CFAP299: variants seen among roughly 807,000 people sequenced by gnomAD.
The protein encoded by CFAP299 is cilia- and flagella-associated protein 299.
A neutral mutation model predicts 27.0 loss-of-function variants in CFAP299; 21 were observed. The ratio of observed to expected loss-of-function variants is 0.78; its 90% confidence interval spans 0.55 to 1.12. CFAP299 has a LOEUF of 1.12. CFAP299 is among the 50% of genes most tolerant of loss of function. CFAP299 has a pLI of 0.00. For missense variants in CFAP299, 310 were observed against 276.6 expected (o/e 1.12, Z -0.86); for synonymous variants, 104 against 98.1 (o/e 1.06, Z -0.36).
intron 2 of CFAP299, among the ~76,000 whole-genome samples, chr4:80,518,265 C>T (rs1051646218): frequency 1.3e-5 from 2 of 152,004 alleles, no homozygotes; most frequent in Admixed American, 6.6e-5. Flanking sequence ...TCAAGAGACT[C>T]GTAGATAAAC....
intron 1 of CFAP299, among the ~76,000 whole-genome samples, chr4:80,356,911 G>T (rs182511792): frequency 2.6e-5 from 4 of 152,184 alleles, no homozygotes; most frequent in East Asian, 3.9e-4. Context: ...CTTGTCTTGT[G>T]CCAGTTTTCA....
intron 1 of CFAP299, among the ~76,000 whole-genome samples, chr4:80,346,895 C>G (rs1280405521): frequency 6.6e-6 from 1 of 152,198 alleles, no homozygotes; most frequent in Non-Finnish European, 1.5e-5. Flanking sequence ...TTGATTCTTC[C>G]TATCCGTGAT....
intron 5 of CFAP299, among the ~76,000 whole-genome samples, chr4:80,950,756 C>T (rs2110236315): frequency 6.6e-6 from 1 of 152,234 alleles, no homozygotes; most frequent in South Asian, 2.1e-4. Flanking sequence ...CCCAAGAAGG[C>T]TGGATAACTG....
chr4:80,787,266 A>G (rs1485378884), intron 3 of CFAP299, among the ~76,000 whole-genome samples: 2 of 149,722 alleles, frequency 1.3e-5, no homozygotes, highest in African/African-American at 4.9e-5. Flanking sequence ...TGCAATATCC[A>G]CATATATCCC....
intron 4 of CFAP299, among the ~76,000 whole-genome samples, chr4:80,900,123 A>AGTGTGTGT (rs3038537): frequency 0.16 from 22,312 of 139,636 alleles, 1,988 homozygotes; most frequent in Non-Finnish European, 0.19. Flanking sequence ...AGTGGAAGAA[A>AGTGTGTGT]GTGTGTGTGT....
intron 1 of CFAP299, among the ~76,000 whole-genome samples, chr4:80,346,477 T>C (rs1722732097): frequency 6.6e-6 from 1 of 152,232 alleles, no homozygotes; most frequent in Admixed American, 6.5e-5. Context: ...GGATCCAGTT[T>C]CAGCTTTCTA....
At chr4:80,754,702 A>G (rs1725135971) in intron 3 of CFAP299, among the ~76,000 whole-genome samples, 1 of 152,092 alleles carries the variant, frequency 6.6e-6, no homozygotes, top group Non-Finnish European at 1.5e-5. Flanking sequence ...GTGGTTTCCA[A>G]GTGCTCTACA....
intron 3 of CFAP299, among the ~76,000 whole-genome samples, chr4:80,615,972 G>C (rs1028868533): frequency 2.6e-5 from 4 of 152,070 alleles, no homozygotes; most frequent in Non-Finnish European, 4.4e-5. Context: ...ATAGGTAATT[G>C]ACCCTACTTT....
chr4:80,663,303 CA>C (rs962561897), intron 3 of CFAP299, among the ~76,000 whole-genome samples: 1 of 151,952 alleles, frequency 6.6e-6, no homozygotes, highest in Non-Finnish European at 1.5e-5. Context: ...CACCCCCTGA[CA>C]GGCACAGTGT....
intron 3 of CFAP299, among the ~76,000 whole-genome samples, chr4:80,800,117 G>A (rs1376808228): frequency 3.1e-4 from 17 of 54,622 alleles, no homozygotes; most frequent in South Asian, 1.4e-3. Context: ...TTATATATAA[G>A]ATATTAATAT....
At chr4:80,684,473 G>C (rs1005015259) in intron 3 of CFAP299, among the ~76,000 whole-genome samples, 1 of 152,072 alleles carries the variant, frequency 6.6e-6, no homozygotes, top group Non-Finnish European at 1.5e-5. Flanking sequence ...CACCGCGTTA[G>C]CCAGGATGGT....
At chr4:80,709,387 G>T (rs1169836296) in intron 3 of CFAP299, among the ~76,000 whole-genome samples, 1 of 152,070 alleles carries the variant, frequency 6.6e-6, no homozygotes, top group African/African-American at 2.4e-5. Context: ...TAAATAATCT[G>T]GATTAAATAT....
At chr4:80,793,697 T>C (rs921176704) in intron 3 of CFAP299, among the ~76,000 whole-genome samples, 1 of 152,158 alleles carries the variant, frequency 6.6e-6, no homozygotes, top group Non-Finnish European at 1.5e-5. Context: ...TAAATGCTGA[T>C]ATGAAGTCAA....
At chr4:80,663,018 GAA>G (rs562687634) in intron 3 of CFAP299, among the ~76,000 whole-genome samples, 1 of 140,388 alleles carries the variant, frequency 7.1e-6, no homozygotes. Context: ...GCTGTTAAAG[GAA>G]AAAAAAAAAC....
chr4:80,594,592 A>G lies in CFAP299; in HGVS notation c.333+11409A>G, dbSNP rs1736960929. 1.3e-5 allele frequency among the ~76,000 whole-genome samples: 2 copies of G among 152,118 alleles called. 1 individual carries two copies. The highest frequency in any genetic ancestry group is 4.1e-4 in the South Asian group (2 of 4,824). On this transcript the variant is annotated intron_variant, in intron 3 of 5. Transcript: ENST00000358105. ...TGCTTTATATGTCATTTTCATTTTAAAATATCATATACCATTTTATTTTTT... is the reference window on the plus strand; with the variant it reads ...TGCTTTATATGTCATTTTCATTTTAGAATATCATATACCATTTTATTTTTT...
intron 4 of CFAP299, among the ~76,000 whole-genome samples, chr4:80,914,367 G>A (rs1735638490): frequency 6.6e-6 from 1 of 151,996 alleles, no homozygotes; most frequent in Non-Finnish European, 1.5e-5. Flanking sequence ...TAGCTATTCT[G>A]GTGTGTGTGT....
chr4:80,525,837 T>G (rs1733148584), intron 2 of CFAP299, among the ~76,000 whole-genome samples: 1 of 152,176 alleles, frequency 6.6e-6, no homozygotes, highest in African/African-American at 2.4e-5. Context: ...AAATTCTTCC[T>G]CTTAGAATTT....
intron 3 of CFAP299, among the ~76,000 whole-genome samples, chr4:80,621,443 A>G (rs1414590474): frequency 5.3e-5 from 8 of 152,228 alleles, no homozygotes; most frequent in East Asian, 1.9e-4. Flanking sequence ...ACTCTTTTTC[A>G]TATGACAGTT....
At chr4:80,654,082 G>A (rs986180089) in intron 3 of CFAP299, among the ~76,000 whole-genome samples, 5 of 152,110 alleles carry the variant, frequency 3.3e-5, no homozygotes, top group Non-Finnish European at 5.9e-5. Context: ...TCAAATTATG[G>A]CTAACCTGTT....
Sources: gnomAD v4.1 joint callset for allele counts (sites outside exome capture counted in the v4.1 genomes callset) on GRCh38, gnomAD v4.1.1 for gene constraint, MANE v1.5 for transcripts, NCBI Gene and HGNC (gene_info 2026-07-23, HGNC 2026-07-21) for gene names.